HECW1: variants seen among roughly 807,000 people sequenced by gnomAD.
The protein encoded by HECW1 is E3 ubiquitin-protein ligase HECW1.
A neutral mutation model predicts 182.3 loss-of-function variants in HECW1; 61 were observed. The observed-to-expected ratio is 0.33, with a 90% CI of 0.27 to 0.41. HECW1 has a LOEUF of 0.41. Ranked by LOEUF, HECW1 falls within the 10% of genes least tolerant of loss-of-function variation. The pLI, the probability that HECW1 is intolerant of heterozygous loss-of-function variation, is 1.00. For synonymous variants in HECW1, 859 were observed against 832.6 expected (o/e 1.03, Z -0.55); for missense variants, 1,739 against 2,108.9 (o/e 0.82, Z 3.44).
At chr7:43,174,157 A>C (rs1562631334) in intron 2 of HECW1, among the ~76,000 whole-genome samples, 1 of 152,160 alleles carries the variant, frequency 6.6e-6, no homozygotes, top group Admixed American at 6.5e-5. Context: ...GAGTCTTGAT[A>C]GGTGGAATTT....
intron 5 of HECW1, among the ~76,000 whole-genome samples, chr7:43,328,169 T>A (rs1811035557): frequency 6.6e-6 from 1 of 151,616 alleles, no homozygotes; most frequent in East Asian, 1.9e-4. Flanking sequence ...AAATAAAAAT[T>A]TAAAAATGTT....
intron 5 of HECW1, among the ~76,000 whole-genome samples, chr7:43,337,376 G>T (rs773851305): frequency 2.0e-5 from 3 of 152,080 alleles, no homozygotes; most frequent in Non-Finnish European, 4.4e-5. Context: ...TTTTAATGTG[G>T]TTGTTTTTTT....
At chr7:43,132,316 C>T (rs1436837848) in intron 2 of HECW1, among the ~76,000 whole-genome samples, 2 of 152,170 alleles carry the variant, frequency 1.3e-5, no homozygotes, top group Non-Finnish European at 2.9e-5. Context: ...TAATGATCTT[C>T]AGATGTCTCC....
chr7:43,431,035 C>T (rs955791406), intron 8 of HECW1, among the ~76,000 whole-genome samples: 2 of 152,068 alleles, frequency 1.3e-5, no homozygotes, highest in Non-Finnish European at 2.9e-5. Flanking sequence ...CTCAGCCTCC[C>T]GAAGTGCTGG....
chr7:43,556,060 G>C (rs943353289), intron 29 of HECW1, among the ~76,000 whole-genome samples: 4 of 152,208 alleles, frequency 2.6e-5, no homozygotes, highest in African/African-American at 9.7e-5. Flanking sequence ...AATCTAGGGA[G>C]AACACGGCCT....
At chr7:43,340,714 G>T (rs144558734) in intron 5 of HECW1, among the ~76,000 whole-genome samples, 2 of 151,708 alleles carry the variant, frequency 1.3e-5, no homozygotes, top group Non-Finnish European at 2.9e-5. Context: ...GTTGGTGGGA[G>T]TGTAAACTAG....
chr7:43,250,121 ACACACACACACACG>A, intron 3 of HECW1, among the ~76,000 whole-genome samples: 1 of 100,444 alleles, frequency 1.0e-5, no homozygotes, highest in Non-Finnish European at 2.7e-5. Flanking sequence ...TAACCAAAAC[ACACACACACACACG>A]CGCACACACA....
intron 3 of HECW1, among the ~76,000 whole-genome samples, chr7:43,291,367 T>A (rs909514017): frequency 3.3e-5 from 5 of 152,332 alleles, no homozygotes; most frequent in South Asian, 2.1e-4. Flanking sequence ...AAACTTTTTT[T>A]AAATAGGTAA....
At chr7:43,429,932 C>T (rs2076488454) in intron 8 of HECW1, among the ~76,000 whole-genome samples, 1 of 152,198 alleles carries the variant, frequency 6.6e-6, no homozygotes, top group African/African-American at 2.4e-5. Flanking sequence ...ACAGTTAAGA[C>T]TAACCTTCCT....
chr7:43,196,660 C>G (rs940265456), intron 2 of HECW1, among the ~76,000 whole-genome samples: 5 of 152,274 alleles, frequency 3.3e-5, no homozygotes, highest in Middle Eastern at 3.4e-3. Flanking sequence ...GGAGATGGGC[C>G]GGGCTCCAGA....
intron 8 of HECW1, among the ~76,000 whole-genome samples, chr7:43,425,576 G>A (rs188268082): frequency 3.1e-4 from 47 of 152,170 alleles, no homozygotes; most frequent in African/African-American, 1.0e-3. Context: ...AATGGAATAC[G>A]ACAGACTGGG....
At chr7:43,319,146 G>A (rs1037081384) in intron 4 of HECW1, among the ~76,000 whole-genome samples, 1 of 152,122 alleles carries the variant, frequency 6.6e-6, no homozygotes, top group Non-Finnish European at 1.5e-5. Context: ...CCAGCACTTT[G>A]GGAGGCCGAG....
At chr7:43,350,354 T>C (rs889926816) in intron 5 of HECW1, among the ~76,000 whole-genome samples, 2 of 152,182 alleles carry the variant, frequency 1.3e-5, no homozygotes, top group African/African-American at 2.4e-5. Context: ...GGGAAGATCT[T>C]TTTGTGGTTA....
At chr7:43,422,321 C>A (rs79089209) in intron 8 of HECW1, among the ~76,000 whole-genome samples, 1 of 151,616 alleles carries the variant, frequency 6.6e-6, no homozygotes, top group East Asian at 1.9e-4. Flanking sequence ...TGGGCCTGAA[C>A]TTTTAGAGTA....
chr7:43,539,949 C>G (rs1053207977), intron 24 of HECW1, among the ~76,000 whole-genome samples: 6 of 152,202 alleles, frequency 3.9e-5, no homozygotes, highest in Admixed American at 3.9e-4. Flanking sequence ...TACCCAGGCC[C>G]AAGGACCCAT....
At chr7:43,211,332 A>G (rs1795988791) in intron 2 of HECW1, among the ~76,000 whole-genome samples, 1 of 152,194 alleles carries the variant, frequency 6.6e-6, no homozygotes, top group Admixed American at 6.5e-5. Context: ...GGCAGTTCCC[A>G]TTGTTTAAGT....
chr7:43,413,004 A>T (rs60104224), intron 8 of HECW1, among the ~76,000 whole-genome samples: 116,474 of 143,416 alleles, frequency 0.81, 48,112 homozygotes, highest in East Asian at 0.99. Context: ...GTATTTCTAA[A>T]TCTAGATCCC....
intron 7 of HECW1, among the ~76,000 whole-genome samples, chr7:43,403,094 G>A (rs909401070): frequency 6.6e-5 from 10 of 152,324 alleles, no homozygotes; most frequent in African/African-American, 1.9e-4. Context: ...TGTTGTTGGC[G>A]TGGGAAATAA....
intron 11 of HECW1, among the ~76,000 whole-genome samples, chr7:43,449,192 G>T (rs1176617322): frequency 6.6e-6 from 1 of 152,158 alleles, no homozygotes; most frequent in African/African-American, 2.4e-5. Context: ...ACTATACCAT[G>T]GTTTTGTTTA....
Sources: allele counts gnomAD v4.1 joint callset (sites outside exome capture counted in the v4.1 genomes callset), GRCh38; gene constraint gnomAD v4.1.1; transcripts MANE v1.5; gene names NCBI Gene and HGNC (gene_info 2026-07-23, HGNC 2026-07-21).